Variants in CHUK observed in about 807,000 individuals in gnomAD.
CHUK encodes inhibitor of nuclear factor kappa-B kinase subunit alpha.
A neutral mutation model predicts 104.8 loss-of-function variants in CHUK; 35 were observed. The ratio of observed to expected loss-of-function variants is 0.33; its 90% CI spans 0.26 to 0.44. The LOEUF (loss-of-function observed/expected upper bound fraction) is 0.44. Ranked by LOEUF, CHUK falls within the 20% of genes least tolerant of loss-of-function variation. CHUK has a pLI of 1.00. For synonymous variants in CHUK, 276 were observed against 291.9 expected (o/e 0.95, Z 0.56); for missense variants, 663 against 902.7 (o/e 0.73, Z 3.40).
At chr10:100,196,245 G>C (rs1430386029) in intron 16 of CHUK, among the ~76,000 whole-genome samples, 1 of 152,092 alleles carries the variant, frequency 6.6e-6, no homozygotes. Flanking sequence ...TATTCCATCA[G>C]CAAAATCCTA....
Position 100,218,702 on chromosome 10 carries a change from A to T in CHUK, c.797+16T>A. 1 of 1,550,872 alleles carries T rather than the reference A, an allele frequency of 6.4e-7. No individual in the cohort carries two copies. The highest frequency in any genetic ancestry group is 8.9e-7 in the Non-Finnish European group (1 of 1,122,532). On this transcript the variant is annotated intron_variant, in intron 8 of 20. Transcript: ENST00000370397. ...GGAGAAACTGAGGCAAACTTCCTTAACTAAAATATACTTACCTACAAAGGC... is the reference window on the plus strand; with the variant it reads ...GGAGAAACTGAGGCAAACTTCCTTATCTAAAATATACTTACCTACAAAGGC...
chr10:100,211,386 A>G (rs574881626), intron 9 of CHUK, among the ~76,000 whole-genome samples: 3 of 152,292 alleles, frequency 2.0e-5, no homozygotes, highest in East Asian at 3.9e-4. Context: ...GCTAATTAAT[A>G]TATCTGTCAC....
intron 19 of CHUK, among the ~76,000 whole-genome samples, chr10:100,191,773 C>A (rs1845211055): frequency 6.6e-6 from 1 of 152,194 alleles, no homozygotes; most frequent in African/African-American, 2.4e-5. Context: ...AGTTCCCAAT[C>A]CTTGGTAGTT....
intron 1 of CHUK, among the ~76,000 whole-genome samples, chr10:100,229,160 C>G (rs1041710820): frequency 2.6e-5 from 4 of 152,172 alleles, no homozygotes; most frequent in African/African-American, 4.8e-5. Context: ...CACGCACTGT[C>G]ACACTCACTA....
At chr10:100,228,047 G>A (rs764195203) in intron 1 of CHUK, among the ~76,000 whole-genome samples, 1 of 152,156 alleles carries the variant, frequency 6.6e-6, no homozygotes, top group Non-Finnish European at 1.5e-5. Flanking sequence ...GATCATAGCA[G>A]CAACAACAAC....
chr10:100,194,166 A>G, intron 17 of CHUK, 35 bp from the exon 18 acceptor site: 1 of 1,610,354 alleles, frequency 6.2e-7, no homozygotes, highest in East Asian at 2.2e-5. Flanking sequence ...ACACTTTCAC[A>G]TGCCCCAAGA....
rs150043520 is a variant in CHUK at position 100,226,239 on chromosome 10, A to C, written c.106-222T>G. On this transcript the variant is annotated intron_variant, in intron 1 of 20. Transcript: ENST00000370397. ...CAAACACACAACAGCATACAAGGGA[A>C]AAGTGCCTGAAACTGATTTTATAAC... 4.3e-4 allele frequency among the ~76,000 whole-genome samples: 65 copies of C among 152,328 alleles called. 1 individual carries two copies. The East Asian group carries it at 8.5e-3, about 20-fold the overall frequency.
intron 1 of CHUK, among the ~76,000 whole-genome samples, chr10:100,228,163 T>C (rs1234220317): frequency 6.6e-6 from 1 of 152,224 alleles, no homozygotes; most frequent in African/African-American, 2.4e-5. Flanking sequence ...ATGATGCATG[T>C]AATTATTATA....
At chr10:100,204,863 A>G (rs1171834581) in intron 12 of CHUK, among the ~76,000 whole-genome samples, 1 of 152,206 alleles carries the variant, frequency 6.6e-6, no homozygotes, top group Non-Finnish European at 1.5e-5. Context: ...TTTTTATACT[A>G]GGACCGTATG....
intron 16 of CHUK, among the ~76,000 whole-genome samples, chr10:100,197,274 A>G (rs1385370176): frequency 1.3e-5 from 2 of 152,210 alleles, no homozygotes; most frequent in East Asian, 3.8e-4. Context: ...CATAGTATAC[A>G]CAATTTGTTG....
chr10:100,193,565 A>T, intron 18 of CHUK, 134 bp from the exon 19 acceptor site: 1 of 1,049,800 alleles, frequency 9.5e-7, no homozygotes, highest in Non-Finnish European at 1.4e-6. Flanking sequence ...TCAGTACAAA[A>T]CTATTCCCAC....
chr10:100,224,735 C>T (rs1381850535), intron 2 of CHUK, among the ~76,000 whole-genome samples: 5 of 152,150 alleles, frequency 3.3e-5, no homozygotes, highest in Non-Finnish European at 7.3e-5. Flanking sequence ...CCACGCCCGG[C>T]CCTAGCTGAC....
Position 100,193,325 on chromosome 10 carries a change from A to AGAGAATGATCAT in CHUK, c.2069_2080dup (p.His690_Ser693dup). The AGAGAATGATCAT allele has an allele frequency of 1.2e-6, 2 of 1,614,152 alleles. No individual in the cohort carries two copies. Among genetic ancestry groups the AGAGAATGATCAT allele is most frequent in the Non-Finnish European group, 1.7e-6 (2 of 1,179,968 alleles). ...ATCTTGAGGAGTTACCACACATGAC[A>AGAGAATGATCAT]GAGAATGATCATGTTCTGCTGAAGT... On this transcript the variant is annotated inframe_insertion, in exon 19 of 21. Coordinates refer to ENST00000370397, the MANE Select transcript of CHUK (RefSeq NM_001278.5).
chr10:100,222,801 A>T (rs981905212), intron 3 of CHUK, 65 bp downstream of exon 3: 3 of 825,240 alleles, frequency 3.6e-6, no homozygotes, highest in African/African-American at 1.7e-5. Flanking sequence ...TATTATATTT[A>T]ACATGATTCA....
chr10:100,187,003 G>C (rs1845040342), downstream of CHUK: 1 of 152,170 alleles, frequency 6.6e-6, no homozygotes, highest in Non-Finnish European at 1.5e-5. Context: ...AATAGGGTTC[G>C]CGTGCCTATG....
At chr10:100,193,104 G>A (rs899006093) in intron 19 of CHUK, 194 bp downstream of exon 19, 18 of 634,656 alleles carry the variant, frequency 2.8e-5, no homozygotes, top group African/African-American at 2.7e-4. Flanking sequence ...GCAGTTCTAT[G>A]AGACATTCCT....
chr10:100,228,445 G>A (rs1486754583), intron 1 of CHUK, among the ~76,000 whole-genome samples: 1 of 152,170 alleles, frequency 6.6e-6, no homozygotes, highest in Non-Finnish European at 1.5e-5. Context: ...CCTGAGGTCA[G>A]GAGTTCGAGA....
intron 19 of CHUK, among the ~76,000 whole-genome samples, chr10:100,191,526 G>A (rs1346580194): frequency 6.6e-6 from 1 of 152,174 alleles, no homozygotes; most frequent in Non-Finnish European, 1.5e-5. Flanking sequence ...AAAACAGTGT[G>A]GTGGGGGAGC....
At position 100,204,663 on chromosome 10, in the gene CHUK, C is replaced by G; in HGVS notation, c.1356-6G>C. 1 of 1,595,266 alleles carries G rather than the reference C, an allele frequency of 6.3e-7. No individual in the cohort carries two copies. The highest frequency in any genetic ancestry group is 1.7e-5 in the Admixed American group (1 of 59,618). ...TATATCTAAGAAGACTTAACCTAAA[C>G]CACAGCAAGAAAAAAAAGAAAAAGA... On this transcript the variant is annotated splice_polypyrimidine_tract_variant and splice_region_variant and intron_variant, in intron 12 of 20. Transcript: ENST00000370397.
Sources: gnomAD v4.1 joint callset for allele counts (sites outside exome capture counted in the v4.1 genomes callset) on GRCh38, gnomAD v4.1.1 for gene constraint, MANE v1.5 for transcripts, NCBI Gene and HGNC (gene_info 2026-07-23, HGNC 2026-07-21) for gene names.